Variants in PEX5L observed in about 807,000 individuals in gnomAD.
PEX5L encodes the protein PEX5-related protein.
A neutral mutation model predicts 84.0 loss-of-function variants in PEX5L; 30 were observed. That is an observed-to-expected ratio of 0.36 (90% CI 0.27 to 0.48). The LOEUF (loss-of-function observed/expected upper bound fraction) is 0.48, where lower values mean the gene tolerates loss of function less well. Among genes scored for constraint, PEX5L ranks in the 20% least tolerant of loss-of-function variants. The pLI, the probability that PEX5L is intolerant of heterozygous loss-of-function variation, is 0.99. For missense variants in PEX5L, 533 were observed against 754.6 expected, an observed-to-expected ratio of 0.71 and a Z score of 3.44; for synonymous variants, 270 against 283.1, an observed-to-expected ratio of 0.95 and a Z score of 0.46.
chr3:179,884,952 A>T (rs1755312780), intron 4 of PEX5L, among the ~76,000 whole-genome samples: 1 of 152,190 alleles, frequency 6.6e-6, no homozygotes, highest in Admixed American at 6.5e-5. Flanking sequence ...CCTCCAGAAG[A>T]GGTAAATATT....
intron 8 of PEX5L, among the ~76,000 whole-genome samples, chr3:179,822,918 G>T (rs1238938419): frequency 6.6e-6 from 1 of 152,178 alleles, no homozygotes; most frequent in African/African-American, 2.4e-5. Context: ...TCAAATTCTT[G>T]TTCCATCATT....
intron 2 of PEX5L, among the ~76,000 whole-genome samples, chr3:179,917,462 T>C (rs1767612533): frequency 6.6e-6 from 1 of 152,184 alleles, no homozygotes; most frequent in Admixed American, 6.5e-5. Flanking sequence ...TGCTGTACAT[T>C]ATTGCAGGTG....
At chr3:180,017,680 G>A (rs1790058685) in intron 1 of PEX5L, among the ~76,000 whole-genome samples, 3 of 151,582 alleles carry the variant, frequency 2.0e-5, no homozygotes, top group Admixed American at 2.0e-4. Flanking sequence ...ATTTAAATCT[G>A]ATCTTCCTAC....
chr3:179,993,704 T>C (rs1462251164), intron 1 of PEX5L, among the ~76,000 whole-genome samples: 1 of 152,094 alleles, frequency 6.6e-6, no homozygotes, highest in Admixed American at 6.5e-5. Context: ...TGTTTCACTA[T>C]GTTCGCCAGG....
At chr3:179,831,995 T>C (rs951906110) in intron 8 of PEX5L, among the ~76,000 whole-genome samples, 1 of 152,160 alleles carries the variant, frequency 6.6e-6, no homozygotes, top group African/African-American at 2.4e-5. Context: ...ATCGGTGTTT[T>C]AGAAAGATTA....
At chr3:179,803,766 T>C (rs1360456119) in intron 14 of PEX5L, among the ~76,000 whole-genome samples, 1 of 152,202 alleles carries the variant, frequency 6.6e-6, no homozygotes, top group Non-Finnish European at 1.5e-5. Flanking sequence ...CTAATGCACA[T>C]AATCCAGGGA....
chr3:179,816,965 A>G (rs1380092938), intron 9 of PEX5L, among the ~76,000 whole-genome samples: 1 of 152,030 alleles, frequency 6.6e-6, no homozygotes, highest in African/African-American at 2.4e-5. Context: ...TTTTTGTTTC[A>G]ACAGTTTCCC....
intron 2 of PEX5L, among the ~76,000 whole-genome samples, chr3:179,937,203 T>C (rs1021863168): frequency 5.9e-5 from 9 of 152,330 alleles, no homozygotes; most frequent in Non-Finnish European, 8.8e-5. Context: ...AAAGTTCATA[T>C]TGTTTTATAT....
At position 180,004,847 on chromosome 3, in the gene PEX5L, C is replaced by G. The variant is rs888813963; in HGVS notation, c.21+31732G>C. ...CACCAACTGTTTAATCTGAATCATG[C>G]TATAAGAATTTGAATAAAAGAAATG... On this transcript the variant is annotated intron_variant, in intron 1 of 14. Transcript: ENST00000467460. 3.3e-5 allele frequency among the ~76,000 whole-genome samples: 5 copies of G among 151,540 alleles called. 1 individual carries two copies. In the East Asian group the frequency reaches 9.7e-4, roughly 29 times the overall value.
At chr3:179,988,146 T>A (rs1052939707) in intron 1 of PEX5L, among the ~76,000 whole-genome samples, 1 of 152,164 alleles carries the variant, frequency 6.6e-6, no homozygotes, top group African/African-American at 2.4e-5. Context: ...ACGCCTGTAA[T>A]CCCAGCACTT....
intron 2 of PEX5L, among the ~76,000 whole-genome samples, chr3:179,943,595 G>A (rs1047280504): frequency 6.6e-6 from 1 of 152,150 alleles, no homozygotes; most frequent in Non-Finnish European, 1.5e-5. Context: ...TAACTTTCTG[G>A]GAAGCTGAAT....
At chr3:180,025,089 T>C (rs1790827007) in intron 1 of PEX5L, among the ~76,000 whole-genome samples, 1 of 152,204 alleles carries the variant, frequency 6.6e-6, no homozygotes, top group Non-Finnish European at 1.5e-5. Context: ...GGAGTGTTGG[T>C]TAATTACAGT....
chr3:179,967,505 C>G (rs1783639019), intron 2 of PEX5L, among the ~76,000 whole-genome samples: 1 of 152,054 alleles, frequency 6.6e-6, no homozygotes, highest in Non-Finnish European at 1.5e-5. Flanking sequence ...TATCAGAAAA[C>G]TTATTTGAAA....
intron 1 of PEX5L, among the ~76,000 whole-genome samples, chr3:180,010,316 T>C (rs1264064317): frequency 2.8e-5 from 4 of 143,514 alleles, no homozygotes; most frequent in Non-Finnish European, 4.5e-5. Context: ...CTTGAACTCC[T>C]GGGCTCAAGC....
chr3:179,893,624 A>G (rs1758286717), intron 3 of PEX5L, among the ~76,000 whole-genome samples: 1 of 152,202 alleles, frequency 6.6e-6, no homozygotes, highest in South Asian at 2.1e-4. Flanking sequence ...GTAAAGGACA[A>G]TAATCCATTA....
chr3:179,938,019 C>T lies in PEX5L; in HGVS notation c.93+33575G>A, dbSNP rs530659557. ...CCTCCATCTCTACCTCCACCACCAC[C>T]GTCACCACTACCTTCACCACCTCCA... On this transcript the variant is annotated intron_variant, in intron 2 of 14. Transcript: ENST00000467460. Among the ~76,000 whole-genome samples the T allele has an allele frequency of 1.8e-4, 27 of 152,136 alleles. No homozygotes were observed. The East Asian group carries it at 2.9e-3, about 16-fold the overall frequency.
chr3:179,879,911 C>T lies in PEX5L; in HGVS notation c.505+18G>A, dbSNP rs1370256548. Reference sequence around the variant, plus strand: ...CAGAGCAAGGTTGAGCATCCATAGCCGCAAGCGATTGCCTTACCTAGATCT... The same window carrying T: ...CAGAGCAAGGTTGAGCATCCATAGCTGCAAGCGATTGCCTTACCTAGATCT... On this transcript the variant is annotated intron_variant, in intron 5 of 14. Coordinates refer to ENST00000467460, the MANE Select transcript of PEX5L (RefSeq NM_016559.3). The T allele has an allele frequency of 1.2e-5, 18 of 1,528,864 alleles. No homozygotes were observed. Among genetic ancestry groups the T allele is most frequent in the East Asian group, 2.3e-5 (1 of 43,962 alleles). 94.7% of individuals were successfully genotyped at this position (1,528,864 alleles called of 1,614,324 possible).
chr3:179,955,370 C>T (rs1027265228), intron 2 of PEX5L, among the ~76,000 whole-genome samples: 1 of 151,540 alleles, frequency 6.6e-6, no homozygotes, highest in Non-Finnish European at 1.5e-5. Flanking sequence ...AGAAAGTTCT[C>T]GTTTTCTTTG....
chr3:179,924,252 T>C (rs538422337), intron 2 of PEX5L, among the ~76,000 whole-genome samples: 1 of 152,296 alleles, frequency 6.6e-6, no homozygotes, highest in Admixed American at 6.5e-5. Context: ...ATCTGAACCT[T>C]TCCTAAGACA....
Sources: allele counts gnomAD v4.1 joint callset (sites outside exome capture counted in the v4.1 genomes callset), GRCh38; gene constraint gnomAD v4.1.1; transcripts MANE v1.5; gene names NCBI Gene and HGNC (gene_info 2026-07-23, HGNC 2026-07-21).